The following RRN3 variants were observed in gnomAD, a reference collection of about 807,000 sequenced individuals.
The protein encoded by RRN3 is RNA polymerase I-specific transcription initiation factor RRN3.
Under a neutral mutation model 82.3 loss-of-function variants are expected in RRN3, and 38 were observed. That is an observed-to-expected ratio of 0.46 (90% CI 0.36 to 0.61). The LOEUF is 0.61. RRN3 is among the 20% of genes least tolerant of loss of function. The pLI, the probability that RRN3 is intolerant of heterozygous loss-of-function variation, is 0.00. For synonymous variants in RRN3, 284 were observed against 284.3 expected, an observed-to-expected ratio of 1.00 and a Z score of 0.01; for missense variants, 726 against 793.1, an observed-to-expected ratio of 0.92 and a Z score of 1.02.
intron 11 of RRN3, 105 bp from the exon 12 acceptor site, chr16:15,073,185 G>T (rs529237543): frequency 2.3e-6 from 3 of 1,309,784 alleles, no homozygotes; most frequent in East Asian, 4.7e-5. Context: ...ACATTATCCA[G>T]CCAAGCACAG....
chr16:15,064,632 G>T (rs2044877229), intron 16 of RRN3, among the ~76,000 whole-genome samples: 1 of 152,206 alleles, frequency 6.6e-6, no homozygotes, highest in Non-Finnish European at 1.5e-5. Context: ...TTAAATAACA[G>T]TTTAAAGAAA....
At chr16:15,077,776 G>C (rs1213397904) in intron 9 of RRN3, among the ~76,000 whole-genome samples, 1 of 152,232 alleles carries the variant, frequency 6.6e-6, no homozygotes, top group Non-Finnish European at 1.5e-5. Flanking sequence ...CGGAGGTGGA[G>C]GTTGCAGTGA....
At chr16:15,072,183 A>G (rs2045261476) in intron 12 of RRN3, among the ~76,000 whole-genome samples, 2 of 151,412 alleles carry the variant, frequency 1.3e-5, no homozygotes. Flanking sequence ...CACTCTCCTG[A>G]TCTCTAGGAA....
At chr16:15,089,756 C>T (rs149407851) in intron 3 of RRN3, among the ~76,000 whole-genome samples, 10,831 of 128,938 alleles carry the variant, frequency 0.084, 599 homozygotes, top group Non-Finnish European at 0.12. Flanking sequence ...GCCAAGATTG[C>T]GCCACTGCAC....
Position 15,091,360 on chromosome 16 carries a change from A to G in RRN3, c.207T>C (p.Asn69=). The G allele has an allele frequency of 1.7e-5, 27 of 1,591,280 alleles. No individual in the cohort carries two copies. Among genetic ancestry groups the G allele is most frequent in the Non-Finnish European group, 2.3e-5 (27 of 1,164,878 alleles). ...VLLKYKKGET[N]DFELLKNQLL... ...GCTGGTTCTTCAACAACTCAAAGTC[A>G]TTTGTTTCACCCTTAACAAGAAGGG... The change falls in exon 3 of 18, where the codon AAT becomes AAC. Residue 69 remains asparagine, a synonymous_variant. Transcript: ENST00000198767.
chr16:15,085,124 C>T (rs905292629), intron 6 of RRN3, among the ~76,000 whole-genome samples: 15 of 152,014 alleles, frequency 9.9e-5, no homozygotes, highest in Admixed American at 5.9e-4. Flanking sequence ...CTAACCAAAA[C>T]GGAATAATTT....
chr16:15,064,202 G>C (rs929057359), intron 16 of RRN3, among the ~76,000 whole-genome samples: 1 of 151,780 alleles, frequency 6.6e-6, no homozygotes, highest in Admixed American at 6.6e-5. Context: ...CTGAGACAGA[G>C]TCTCACTCTC....
chr16:15,072,862 C>T, intron 12 of RRN3, 88 bp downstream of exon 12: 1 of 1,308,120 alleles, frequency 7.6e-7, no homozygotes, highest in Non-Finnish European at 1.1e-6. Flanking sequence ...TTATTTACTT[C>T]ATGGTCTCCG....
rs1419407989 is a variant in RRN3, at chr16:15,083,664, C to T, written c.597-82G>A. 2.6e-6 allele frequency: 4 copies of T among 1,567,360 alleles called. No homozygotes were observed. The Admixed American group carries it at 5.6e-5, about 22-fold the overall frequency. On this transcript the variant is annotated intron_variant, in intron 7 of 17. Coordinates refer to ENST00000198767, the MANE Select transcript of RRN3 (RefSeq NM_018427.5). Reference sequence around the variant, plus strand: ...AAAAGGAAAACTACCATTCTAAAAGCAAATATTGATAGACATAGGAGGCAA... The same window carrying T: ...AAAAGGAAAACTACCATTCTAAAAGTAAATATTGATAGACATAGGAGGCAA...
rs1331271067 is a variant in RRN3, at chr16:15,078,936, C to T, written c.765+1062G>A. On this transcript the variant is annotated intron_variant, in intron 9 of 17. Transcript: ENST00000198767. ...ACACCATTCTCCTGCCTCAGCCTCC[C>T]GAGTAGCTGGGACTATAGGTGCCCA... is the stretch of plus-strand genomic sequence containing the variant. 5.9e-5 allele frequency among the ~76,000 whole-genome samples: 9 copies of T among 151,856 alleles called. No individual in the cohort carries two copies. In the South Asian group the frequency reaches 6.2e-4, roughly 11 times the overall value.
intron 3 of RRN3, among the ~76,000 whole-genome samples, chr16:15,090,473 C>G (rs1279845175): frequency 6.6e-6 from 1 of 152,166 alleles, no homozygotes; most frequent in East Asian, 1.9e-4. Flanking sequence ...ATGGCATGCA[C>G]CTATAGTCCC....
intron 6 of RRN3, among the ~76,000 whole-genome samples, chr16:15,085,039 C>A (rs932365747): frequency 6.6e-6 from 1 of 152,064 alleles, no homozygotes; most frequent in Non-Finnish European, 1.5e-5. Flanking sequence ...ATACTCCAGC[C>A]TGGGCAACAG....
chr16:15,090,443 T>C (rs1290548549), intron 3 of RRN3, among the ~76,000 whole-genome samples: 1 of 152,196 alleles, frequency 6.6e-6, no homozygotes, highest in Non-Finnish European at 1.5e-5. Context: ...TTTCCATGTT[T>C]AAAGCCAGGC....
At chr16:15,085,781 CA>C in intron 5 of RRN3, 83 bp from the exon 6 acceptor site, 1 of 1,557,496 alleles carries the variant, frequency 6.4e-7, no homozygotes, top group Non-Finnish European at 8.7e-7. Context: ...CTGACCTAGA[CA>C]ATGAACAGCT....
chr16:15,063,704 C>CAAAAAAAAAAAAAAAA (rs10664930), intron 16 of RRN3, among the ~76,000 whole-genome samples: 2 of 89,066 alleles, frequency 2.2e-5, no homozygotes, highest in Non-Finnish European at 4.1e-5. Flanking sequence ...GACTCTGTCT[C>CAAAAAAAAAAAAAAAA]AAAAAAAAAA....
intron 10 of RRN3, 112 bp from the exon 11 acceptor site, chr16:15,074,973 G>T: frequency 8.8e-7 from 1 of 1,130,060 alleles, no homozygotes; most frequent in Non-Finnish European, 1.2e-6. Context: ...AAAGAGGCTG[G>T]GGAAAGCGGC....
At chr16:15,065,438 G>C (rs2044927391) in intron 15 of RRN3, 67 bp from the exon 16 acceptor site, 1 of 1,413,172 alleles carries the variant, frequency 7.1e-7, no homozygotes, top group Non-Finnish European at 9.8e-7. Flanking sequence ...GCAGATGTGA[G>C]CTGCGTGTGA....
chr16:15,086,008 A>C, intron 5 of RRN3, 121 bp downstream of exon 5: 1 of 680,042 alleles, frequency 1.5e-6, no homozygotes, highest in East Asian at 2.7e-5. Context: ...TATGTCTACC[A>C]GACCTGGTGC....
chr16:15,083,306 G>A (rs2045780015), intron 8 of RRN3, among the ~76,000 whole-genome samples: 1 of 152,148 alleles, frequency 6.6e-6, no homozygotes, highest in Non-Finnish European at 1.5e-5. Flanking sequence ...GGCTGAGGCA[G>A]GAGAATCGCT....
Sources: gnomAD v4.1 joint callset for allele counts (sites outside exome capture counted in the v4.1 genomes callset) on GRCh38, gnomAD v4.1.1 for gene constraint, MANE v1.5 for transcripts, NCBI Gene and HGNC (gene_info 2026-07-23, HGNC 2026-07-21) for gene names.